Variants in TENM3 observed in about 807,000 individuals in gnomAD.
TENM3 encodes the protein teneurin-3.
Under a neutral mutation model 255.1 loss-of-function variants are expected in TENM3, and 63 were observed. The ratio of observed to expected loss-of-function variants is 0.25; its 90% CI spans 0.20 to 0.30. The LOEUF is 0.30. Ranked by LOEUF, TENM3 falls within the 10% of genes least tolerant of loss-of-function variation. The pLI is 1.00. For missense variants in TENM3, 2,929 were observed against 3,461.1 expected (o/e 0.85, Z 3.86); for synonymous variants, 1,306 against 1,322.3 (o/e 0.99, Z 0.27).
the TENM3 span, among the ~76,000 whole-genome samples, chr4:181,582,271 T>G: frequency 6.6e-6 from 1 of 151,872 alleles, no homozygotes; most frequent in African/African-American, 2.4e-5. Flanking sequence ...TGCTTTGCAT[T>G]GAGAAAAAGA....
chr4:181,847,100 A>T, the TENM3 span, among the ~76,000 whole-genome samples: 1 of 152,196 alleles, frequency 6.6e-6, no homozygotes, highest in South Asian at 2.1e-4. Context: ...CAGCAGCTGG[A>T]AGCTTAGTTG....
At chr4:181,888,548 A>ATATATATATATG in the TENM3 span, among the ~76,000 whole-genome samples, 2 of 99,974 alleles carry the variant, frequency 2.0e-5, no homozygotes, top group African/African-American at 7.9e-5. Flanking sequence ...ATATATATAT[A>ATATATATATATG]TGTATATATA....
chr4:182,442,760 TTGTG>T (rs113143926), intron 3 of TENM3, among the ~76,000 whole-genome samples: 9,315 of 148,648 alleles, frequency 0.063, 405 homozygotes, highest in East Asian at 0.18. Flanking sequence ...CTCGACTAAT[TTGTG>T]TGTGTGTGTG....
chr4:182,551,899 T>C (rs943060334), intron 3 of TENM3, among the ~76,000 whole-genome samples: 9 of 151,404 alleles, frequency 5.9e-5, no homozygotes, highest in African/African-American at 2.2e-4. Context: ...TGCCTGTAAG[T>C]CCTAGCTACT....
chr4:181,575,772 C>T, the TENM3 span, among the ~76,000 whole-genome samples: 1 of 152,134 alleles, frequency 6.6e-6, no homozygotes, highest in Non-Finnish European at 1.5e-5. Context: ...GGCTTTGTTT[C>T]CTGACTTCCG....
rs55642239 is a variant in TENM3 at position 182,230,812 on chromosome 4, CTATATATATATATATATATATATATA to C, written c.-76+86078_-76+86103del. Among the ~76,000 whole-genome samples, 106 of 58,058 alleles carry C rather than the reference CTATATATATATATATATATATATATA, an allele frequency of 1.8e-3. 1 individual carries two copies. The highest frequency in any genetic ancestry group is 2.8e-3 in the African/African-American group (35 of 12,368). 38.1% of individuals were successfully genotyped at this position (58,058 alleles called of 152,430 possible). On this transcript the variant is annotated intron_variant, in intron 1 of 2. Transcript: ENST00000512480. ...GCTATATTAAATACAGTTTCTCAAA[CTATATATATATATATATATATATATA>C]TATATATATATATATATATCCCCCT...
At chr4:182,118,952 C>CA in the TENM3 span, among the ~76,000 whole-genome samples, 6 of 151,998 alleles carry the variant, frequency 3.9e-5, no homozygotes, top group Admixed American at 1.3e-4. Context: ...AAAAGAACTG[C>CA]AAAAAAATAG....
the TENM3 span, among the ~76,000 whole-genome samples, chr4:181,650,003 T>C: frequency 6.6e-5 from 10 of 152,290 alleles, no homozygotes; most frequent in Non-Finnish European, 8.8e-5. Flanking sequence ...AGAGACAAAC[T>C]TTGTTTTGAG....
intron 3 of TENM3, among the ~76,000 whole-genome samples, chr4:182,562,385 C>T (rs1743291824): frequency 6.6e-6 from 1 of 152,136 alleles, no homozygotes; most frequent in Non-Finnish European, 1.5e-5. Context: ...TGAAGTCCTA[C>T]CCACAATTAT....
At chr4:181,513,405 C>A in the TENM3 span, among the ~76,000 whole-genome samples, 1 of 152,152 alleles carries the variant, frequency 6.6e-6, no homozygotes, top group Admixed American at 6.6e-5. Flanking sequence ...AACTAGAACT[C>A]AATCAAAATT....
chr4:182,795,720 C>G (rs146666536), intron 26 of TENM3, among the ~76,000 whole-genome samples: 1,648 of 152,312 alleles, frequency 0.011, 11 homozygotes, highest in Non-Finnish European at 0.016. Context: ...TGAATTCATC[C>G]TCTCCTAGCA....
At chr4:181,654,335 G>A in the TENM3 span, among the ~76,000 whole-genome samples, 59 of 151,946 alleles carry the variant, frequency 3.9e-4, no homozygotes, top group Non-Finnish European at 4.1e-4. Flanking sequence ...AAATGCCACA[G>A]AGTTTTGAGA....
the TENM3 span, among the ~76,000 whole-genome samples, chr4:181,910,293 G>A: frequency 6.6e-6 from 1 of 151,970 alleles, no homozygotes; most frequent in Non-Finnish European, 1.5e-5. Context: ...CAGGCCGGGT[G>A]CAGTGGCTCA....
At chr4:182,429,034 C>T (rs1257647333) in intron 3 of TENM3, among the ~76,000 whole-genome samples, 1 of 152,148 alleles carries the variant, frequency 6.6e-6, no homozygotes, top group Non-Finnish European at 1.5e-5. Flanking sequence ...CTAACTGATC[C>T]TAAGGTAGCT....
chr4:181,820,666 T>C, the TENM3 span, among the ~76,000 whole-genome samples: 1 of 152,150 alleles, frequency 6.6e-6, no homozygotes, highest in Non-Finnish European at 1.5e-5. Flanking sequence ...GCTGTAAATA[T>C]TTTCATGTTC....
At chr4:181,953,215 A>G in the TENM3 span, among the ~76,000 whole-genome samples, 1 of 151,936 alleles carries the variant, frequency 6.6e-6, no homozygotes, top group Non-Finnish European at 1.5e-5. Flanking sequence ...CATGAAGTGG[A>G]TGCTCTTATT....
At chr4:182,737,634 CAGAG>C (rs1761270351) in intron 17 of TENM3, among the ~76,000 whole-genome samples, 1 of 152,064 alleles carries the variant, frequency 6.6e-6, no homozygotes, top group Admixed American at 6.6e-5. Flanking sequence ...GAGAGACAGA[CAGAG>C]AGAAAGAGAA....
At chr4:182,631,469 A>C (rs1405468881) in intron 5 of TENM3, 1 of 152,206 alleles carries the variant, frequency 6.6e-6, no homozygotes, top group Non-Finnish European at 1.5e-5. Context: ...TCATTCGCTC[A>C]TCAGTTCGCA....
Position 182,186,762 on chromosome 4 carries a change from CATATATATATATATATATAT to C in TENM3, c.-76+42041_-76+42060del, listed in dbSNP as rs70954298. ...TTGGGTAAGAAATATACTAATGCAT[CATATATATATATATATATAT>C]ATATATATATATATATATATATATA... On this transcript the variant is annotated intron_variant, in intron 1 of 2. Transcript: ENST00000512480. 6.3e-3 allele frequency among the ~76,000 whole-genome samples: 172 copies of C among 27,500 alleles called. 3 individuals carry two copies. The highest frequency in any genetic ancestry group is 9.4e-3 in the African/African-American group (74 of 7,892). The allele number at this position is 27,500 out of a possible 152,430, so 18.0% of individuals were successfully genotyped here.
Sources: allele counts gnomAD v4.1 joint callset (sites outside exome capture counted in the v4.1 genomes callset), GRCh38; gene constraint gnomAD v4.1.1; transcripts MANE v1.5; gene names NCBI Gene and HGNC (gene_info 2026-07-23, HGNC 2026-07-21).